TGFA: variants seen among roughly 807,000 people sequenced by gnomAD.
TGFA encodes transforming growth factor alpha, also known as protransforming growth factor alpha.
Under a neutral mutation model 21.7 loss-of-function variants are expected in TGFA, and 12 were observed. The observed-to-expected ratio is 0.55, with a 90% CI of 0.35 to 0.90. The LOEUF (loss-of-function observed/expected upper bound fraction) is 0.90. TGFA is among the 40% of genes least tolerant of loss of function. TGFA has a pLI of 0.01. For synonymous variants in TGFA, 79 were observed against 88.1 expected, an observed-to-expected ratio of 0.90 and a Z score of 0.58; for missense variants, 178 against 210.8, an observed-to-expected ratio of 0.84 and a Z score of 0.96.
At chr2:70,535,576 G>C (rs1278634404) in intron 1 of TGFA, among the ~76,000 whole-genome samples, 1 of 152,164 alleles carries the variant, frequency 6.6e-6, no homozygotes, top group Non-Finnish European at 1.5e-5. Flanking sequence ...CACAATTACT[G>C]TTTGATCACT....
chr2:70,475,515 A>C (rs1670894410), intron 2 of TGFA, among the ~76,000 whole-genome samples: 2 of 152,100 alleles, frequency 1.3e-5, no homozygotes. Flanking sequence ...TTCAGAGGGC[A>C]TGGTGCGTGT....
chr2:70,509,330 G>A (rs545142237), intron 2 of TGFA, among the ~76,000 whole-genome samples: 11 of 152,252 alleles, frequency 7.2e-5, no homozygotes, highest in Admixed American at 2.0e-4. Context: ...GCTGACACAC[G>A]TTCTACCTGT....
intron 3 of TGFA, among the ~76,000 whole-genome samples, chr2:70,460,024 T>G (rs907479776): frequency 3.7e-4 from 56 of 152,104 alleles, no homozygotes; most frequent in African/African-American, 1.3e-3. Flanking sequence ...CCAATCAAAA[T>G]CTCTCTGCAA....
chr2:70,547,708 G>T (rs1210577187), intron 1 of TGFA, among the ~76,000 whole-genome samples: 1 of 147,914 alleles, frequency 6.8e-6, no homozygotes, highest in Non-Finnish European at 1.5e-5. Context: ...AATAAGTATA[G>T]ATAGTATACT....
chr2:70,458,200 A>G (rs539525767), intron 3 of TGFA, among the ~76,000 whole-genome samples: 2 of 152,246 alleles, frequency 1.3e-5, no homozygotes, highest in Admixed American at 6.5e-5. Flanking sequence ...GCCCTTTCCT[A>G]TGAGGCGGAG....
In TGFA at chr2:70,477,489, G is replaced by C. The variant is rs150510906; in HGVS notation, c.95-11753C>G. Among the ~76,000 whole-genome samples, 11 of 152,322 alleles carry C rather than the reference G, an allele frequency of 7.2e-5. No individual in the cohort carries two copies. The East Asian group carries it at 2.1e-3, about 29-fold the overall frequency. On this transcript the variant is annotated intron_variant, in intron 2 of 5. Transcript: ENST00000295400. ...AGGCAGGGAATATGCAAAAGATAAA[G>C]TGTGGGCCAGAGACTCCCAGGAGTT...
chr2:70,510,713 C>T (rs13387800), intron 2 of TGFA, among the ~76,000 whole-genome samples: 3,959 of 152,238 alleles, frequency 0.026, 177 homozygotes, highest in African/African-American at 0.09. Context: ...TTTCCTATGA[C>T]GCTGGCATCA....
intron 2 of TGFA, among the ~76,000 whole-genome samples, chr2:70,482,241 CTAAGT>C (rs782422830): frequency 1.4e-4 from 22 of 152,060 alleles, no homozygotes; most frequent in Non-Finnish European, 2.1e-4. Flanking sequence ...TACGTACTAC[CTAAGT>C]TAATTCTTAT....
At chr2:70,502,970 T>C (rs1052864728) in intron 2 of TGFA, among the ~76,000 whole-genome samples, 45 of 151,896 alleles carry the variant, frequency 3.0e-4, no homozygotes, top group Admixed American at 2.5e-3. Context: ...AGGCACAGAG[T>C]GGTTAAGAAA....
intron 1 of TGFA, among the ~76,000 whole-genome samples, chr2:70,548,336 A>G (rs1219945234): frequency 6.6e-6 from 1 of 152,194 alleles, no homozygotes; most frequent in African/African-American, 2.4e-5. Flanking sequence ...TAGAGGAGAG[A>G]GGTTAAGCAC....
intron 1 of TGFA, among the ~76,000 whole-genome samples, chr2:70,535,737 G>A (rs964858796): frequency 9.2e-5 from 14 of 152,150 alleles, no homozygotes; most frequent in South Asian, 2.1e-4. Context: ...CTGTTGCACC[G>A]TATGGGAAAG....
intron 2 of TGFA, among the ~76,000 whole-genome samples, chr2:70,475,934 T>TA (rs1294176820): frequency 1.3e-5 from 2 of 151,924 alleles, no homozygotes; most frequent in South Asian, 2.1e-4. Flanking sequence ...CATTATGGAT[T>TA]AAAATGCAAT....
intron 1 of TGFA, among the ~76,000 whole-genome samples, chr2:70,532,869 T>C (rs1574139785): frequency 7.2e-6 from 1 of 138,726 alleles, no homozygotes; most frequent in African/African-American, 3.1e-5. Flanking sequence ...CTTTTTCTTT[T>C]TTTTTTTTTT....
intron 1 of TGFA, among the ~76,000 whole-genome samples, chr2:70,535,129 G>C (rs1158013076): frequency 1.3e-5 from 2 of 152,128 alleles, no homozygotes; most frequent in Non-Finnish European, 2.9e-5. Context: ...TAAGGTACTG[G>C]AAGAACTATG....
At chr2:70,484,720 A>T (rs1671221272) in intron 2 of TGFA, among the ~76,000 whole-genome samples, 2 of 152,164 alleles carry the variant, frequency 1.3e-5, no homozygotes, top group Admixed American at 1.3e-4. Flanking sequence ...CTGTTCTGAG[A>T]TAGAATCTGC....
At chr2:70,502,433 G>A (rs115010013) in intron 2 of TGFA, among the ~76,000 whole-genome samples, 8,568 of 152,112 alleles carry the variant, frequency 0.056, 277 homozygotes, top group Middle Eastern at 0.099. Context: ...TTCGCTTCCC[G>A]GGTTCAAGTG....
rs1673573792 is a variant in TGFA, at chr2:70,553,324, G to C, written c.40+404C>G. The C allele has an allele frequency of 4.0e-6, 6 of 1,502,264 alleles. No individual in the cohort carries two copies. In the Admixed American group the frequency reaches 1.2e-4, roughly 29 times the overall value. The allele number at this position is 1,502,264 out of a possible 1,614,324, so 93.1% of individuals were successfully genotyped here. On this transcript the variant is annotated intron_variant, in intron 1 of 5. Transcript: ENST00000295400. ...GACCCGGCCAGAGGGTTAGACGCCG[G>C]CCCCCGTTCCGAGGCGGCCCAGTCT...
intron 1 of TGFA, among the ~76,000 whole-genome samples, chr2:70,548,075 A>C (rs1277746999): frequency 6.6e-6 from 1 of 152,186 alleles, no homozygotes; most frequent in Non-Finnish European, 1.5e-5. Flanking sequence ...TTTTAAAACA[A>C]TAAAATGCTA....
intron 1 of TGFA, among the ~76,000 whole-genome samples, chr2:70,517,116 T>C (rs1672306144): frequency 6.6e-6 from 1 of 152,250 alleles, no homozygotes; most frequent in Non-Finnish European, 1.5e-5. Context: ...CTTCACCTTC[T>C]GTTCCTCACC....
Sources: gnomAD v4.1 joint callset for allele counts (sites outside exome capture counted in the v4.1 genomes callset) on GRCh38, gnomAD v4.1.1 for gene constraint, MANE v1.5 for transcripts, NCBI Gene and HGNC (gene_info 2026-07-23, HGNC 2026-07-21) for gene names.